The following MYH9 variants were observed in gnomAD, a reference collection of about 807,000 sequenced individuals.
MYH9 encodes the protein myosin-9.
A neutral mutation model predicts 241.9 loss-of-function variants in MYH9; 29 were observed. That is an observed-to-expected ratio of 0.12 (90% CI 0.09 to 0.16). The LOEUF (loss-of-function observed/expected upper bound fraction) is 0.16. Among genes scored for constraint, MYH9 ranks in the 10% least tolerant of loss-of-function variants. The pLI is 1.00. For synonymous variants in MYH9, 1,047 were observed against 1,062.6 expected (o/e 0.99, Z 0.29); for missense variants, 1,803 against 2,595.5 (o/e 0.69, Z 6.63).
chr22:36,311,458 G>A (rs970399050), intron 14 of MYH9, among the ~76,000 whole-genome samples: 4 of 151,748 alleles, frequency 2.6e-5, no homozygotes, highest in South Asian at 2.1e-4. Context: ...CTAGTGGGTA[G>A]CAGCCAGGGA....
intron 14 of MYH9, among the ~76,000 whole-genome samples, chr22:36,311,778 G>A (rs2017066993): frequency 6.6e-6 from 1 of 152,338 alleles, no homozygotes; most frequent in African/African-American, 2.4e-5. Flanking sequence ...TGGCAGACAG[G>A]CCCAACGATA....
intron 13 of MYH9, among the ~76,000 whole-genome samples, chr22:36,313,313 G>A (rs1026110934): frequency 1.5e-4 from 22 of 150,704 alleles, no homozygotes; most frequent in African/African-American, 5.4e-4. Context: ...TTAGCTGGGC[G>A]TGGTGGCGGG....
chr22:36,322,051 T>C (rs1375134339), intron 6 of MYH9: 6 of 597,104 alleles, frequency 1.0e-5, no homozygotes, highest in African/African-American at 3.7e-5. Context: ...GACAAGCTGA[T>C]CCCACACCCA....
intron 14 of MYH9, among the ~76,000 whole-genome samples, chr22:36,311,033 C>T (rs1433650765): frequency 6.6e-6 from 1 of 152,174 alleles, no homozygotes; most frequent in African/African-American, 2.4e-5. Flanking sequence ...CGGGCCTGGA[C>T]TCCTTGTGGC....
In MYH9 at chr22:36,306,853, C is replaced by G. The variant is rs1281063006; in HGVS notation, c.1844-246G>C. Among the ~76,000 whole-genome samples, 1 of 152,166 alleles carries G rather than the reference C, an allele frequency of 6.6e-6. No homozygotes were observed. The highest frequency in any genetic ancestry group is 1.5e-5 in the Non-Finnish European group (1 of 68,036). The stretch of plus-strand genomic sequence containing the variant: ...GGAGCCATGCATCTGCCATGGCCAC[C>G]TCACCTTCCTGTCACCTATCTTCAG... On this transcript the variant is annotated intron_variant, in intron 15 of 40. Transcript: ENST00000216181. This position sits in a 1 kb window ranked among gnomAD's most constrained non-coding sequence, Gnocchi z 4.1.
intron 1 of MYH9, among the ~76,000 whole-genome samples, chr22:36,355,582 T>C (rs2017841918): frequency 1.3e-5 from 2 of 151,962 alleles, no homozygotes; most frequent in South Asian, 2.1e-4. Flanking sequence ...AGGCTGGGAG[T>C]GTCCAAGTCA....
At chr22:36,328,220 G>C (rs1039521034) in intron 3 of MYH9, among the ~76,000 whole-genome samples, 1 of 152,174 alleles carries the variant, frequency 6.6e-6, no homozygotes. Context: ...CGGGTGTCAG[G>C]AACTTTCAGC....
chr22:36,375,150 C>G (rs2018146513), intron 1 of MYH9, among the ~76,000 whole-genome samples: 1 of 152,174 alleles, frequency 6.6e-6, no homozygotes, highest in South Asian at 2.1e-4. Context: ...GACTATGAAT[C>G]TGATGGGTGG....
intron 35 of MYH9, 100 bp downstream of exon 35, chr22:36,286,618 A>G: frequency 6.5e-7 from 1 of 1,546,146 alleles, no homozygotes; most frequent in Non-Finnish European, 8.8e-7. Flanking sequence ...CAATTCCTGG[A>G]GCCCAGTAGG....
chr22:36,333,235 G>A (rs1414916687), intron 3 of MYH9, among the ~76,000 whole-genome samples: 1 of 152,250 alleles, frequency 6.6e-6, no homozygotes, highest in Non-Finnish European at 1.5e-5. Context: ...GTGCTTGAGA[G>A]CACCAGGGAC....
intron 24 of MYH9, chr22:36,297,287 T>G: frequency 2.0e-6 from 1 of 507,094 alleles, no homozygotes; most frequent in Non-Finnish European, 3.6e-6. Flanking sequence ...ATTCCCTTGG[T>G]TCCCTTGAAG....
intron 31 of MYH9, among the ~76,000 whole-genome samples, chr22:36,290,127 G>A (rs1358159871): frequency 2.0e-5 from 3 of 152,036 alleles, no homozygotes; most frequent in Non-Finnish European, 4.4e-5. Flanking sequence ...TAAATAAATC[G>A]TTTAAAAGAC....
rs142548258 is a variant in MYH9 at position 36,320,730 on chromosome 22, C to A, written c.868+68G>T. On this transcript the variant is annotated intron_variant, in intron 8 of 40. Transcript: ENST00000216181. The surrounding 1 kb of genome is among the most constrained non-coding windows in gnomAD (Gnocchi z 4.8). ...GTTTTCATTTCCCAAATGATGTCTA[C>A]GGTCCAATTCTGGCAAGAGGCCCAG... The A allele has an allele frequency of 4.4e-6, 6 of 1,350,738 alleles. No individual in the cohort carries two copies. The highest frequency in any genetic ancestry group is 2.9e-5 in the African/African-American group (2 of 69,598). 83.7% of individuals were successfully genotyped at this position (1,350,738 alleles called of 1,614,324 possible).
chr22:36,323,774 A>G (rs1410509579), intron 5 of MYH9, among the ~76,000 whole-genome samples: 3 of 152,168 alleles, frequency 2.0e-5, no homozygotes, highest in African/African-American at 7.2e-5. Flanking sequence ...AGGGCTAGGA[A>G]GCCTTCCGCT....
intron 3 of MYH9, among the ~76,000 whole-genome samples, chr22:36,340,683 A>G (rs1223404012): frequency 2.0e-5 from 3 of 151,354 alleles, no homozygotes; most frequent in East Asian, 1.9e-4. Flanking sequence ...AAAAAGAAAG[A>G]AAGGAAGTGG....
intron 32 of MYH9, 21 bp downstream of exon 32, chr22:36,289,064 G>A (rs367724599): frequency 8.5e-5 from 137 of 1,613,818 alleles, no homozygotes; most frequent in Non-Finnish European, 1.1e-4. Context: ...CCAAGACCTG[G>A]CTGCCAGGCC....
In MYH9 at chr22:36,293,086, G is replaced by C. The variant is rs2016732364; in HGVS notation, c.4095+243C>G. On this transcript the variant is annotated intron_variant, in intron 30 of 40. Transcript: ENST00000216181. The surrounding 1 kb of genome is among the most constrained non-coding windows in gnomAD (Gnocchi z 5.1). ...ATAATGGAAGCAATGCTGAATTTCAGCTAAAGACTGGTGAAAATAAAGGTG... is the reference window on the plus strand; with the variant it reads ...ATAATGGAAGCAATGCTGAATTTCACCTAAAGACTGGTGAAAATAAAGGTG... Among the ~76,000 whole-genome samples the C allele has an allele frequency of 6.6e-6, 1 of 152,262 alleles. No homozygotes were observed. Among genetic ancestry groups the C allele is most frequent in the Non-Finnish European group, 1.5e-5 (1 of 68,046 alleles).
rs2017727335 is a variant in MYH9 at position 36,349,126 on chromosome 22, G to C, written c.111C>G (p.Asp37Glu). ...GGCTGGCTGGCTCAAAGCCACTCTT[G>C]TCGGAAGGCACCCATACCAGCTTCT... ...AAKKLVWVPS[D>E]KSGFEPASLK... The change falls in exon 2 of 41, where the codon GAC becomes GAG. Residue 37 changes from aspartate (D) to glutamate (E), a missense_variant. By Grantham distance (45) the Asp-to-Glu change is conservative. Transcript: ENST00000216181. 1.2e-6 allele frequency: 2 copies of C among 1,614,180 alleles called. No homozygotes were observed. Among genetic ancestry groups the C allele is most frequent in the Admixed American group, 1.7e-5 (1 of 60,028 alleles).
Position 36,305,549 on chromosome 22 carries a change from G to A in MYH9, c.2159+381C>T, listed in dbSNP as rs553905447. ...ATTAGAGAAACAGGAAGGTGTCGCC[G>A]TCTTCGCACACAGCAACGCACGGCC... is the stretch of plus-strand genomic sequence containing the variant. On this transcript the variant is annotated intron_variant, in intron 17 of 40. Coordinates refer to ENST00000216181, the MANE Select transcript of MYH9 (RefSeq NM_002473.6). This position sits in a 1 kb window ranked among gnomAD's most constrained non-coding sequence, Gnocchi z 4.7. Among the ~76,000 whole-genome samples, 79 of 152,324 alleles carry A rather than the reference G, an allele frequency of 5.2e-4. No individual in the cohort carries two copies. Among genetic ancestry groups the A allele is most frequent in the African/African-American group, 1.5e-3 (64 of 41,574 alleles).
Sources: allele counts gnomAD v4.1 joint callset (sites outside exome capture counted in the v4.1 genomes callset), GRCh38; gene constraint gnomAD v4.1.1; non-coding constraint Gnocchi (gnomAD v3.1); transcripts MANE v1.5; gene names NCBI Gene and HGNC (gene_info 2026-07-23, HGNC 2026-07-21).